Variants in ATXN2L observed in about 807,000 individuals in gnomAD.
ATXN2L encodes the protein ataxin 2 like, also known as ataxin-2-like protein.
ATXN2L carries 24 observed loss-of-function variants against 120.7 expected under a neutral mutation model. That is an observed-to-expected ratio of 0.20 (90% CI 0.14 to 0.28). The LOEUF (loss-of-function observed/expected upper bound fraction) is 0.28, where lower values mean the gene tolerates loss of function less well. ATXN2L is among the 10% of genes least tolerant of loss of function. ATXN2L has a pLI of 1.00. For synonymous variants in ATXN2L, 653 were observed against 568.1 expected (o/e 1.15, Z -2.13); for missense variants, 1,312 against 1,432.3 (o/e 0.92, Z 1.36).
chr16:28,832,407 C>T lies in ATXN2L; in HGVS notation c.1516+8C>T, dbSNP rs2054824530. On this transcript the variant is annotated splice_region_variant and intron_variant, in intron 11 of 21. Transcript: ENST00000336783. ...CCCTGGCCCCCACAGATGGTAAGAG[C>T]TAGGTGTTTGAGTGCTGTGAATGCA... 6.2e-7 allele frequency: 1 copy of T among 1,613,772 alleles called. No homozygotes were observed. Among genetic ancestry groups the T allele is most frequent in the Admixed American group, 1.7e-5 (1 of 60,004 alleles).
At position 28,823,012 on chromosome 16, in the gene ATXN2L, C is replaced by A. The variant is rs933512577; in HGVS notation, c.-248C>A. On this transcript the variant is annotated 5_prime_UTR_variant, in exon 1 of 22. Coordinates refer to ENST00000336783, the MANE Select transcript of ATXN2L (RefSeq NM_007245.4). ...TCTCCGCTCCCCGGCGACGCGCACG[C>A]GCGCCAGCCCGGCTCGCGCCCTCTC... 4.5e-6 allele frequency: 1 copy of A among 219,788 alleles called. No homozygotes were observed. The highest frequency in any genetic ancestry group is 8.9e-6 in the Non-Finnish European group (1 of 112,440). 13.6% of individuals were successfully genotyped at this position (219,788 alleles called of 1,614,324 possible). A position where few individuals can be genotyped will look rare whatever the true frequency, so the allele number is the denominator to read the frequency against.
rs1393240323 is a variant in ATXN2L, at chr16:28,836,461, C to T, written c.*196C>T. 3.7e-6 allele frequency: 6 copies of T among 1,612,162 alleles called. No homozygotes were observed. Among genetic ancestry groups the T allele is most frequent in the Admixed American group, 1.7e-5 (1 of 59,908 alleles). On this transcript the variant is annotated 3_prime_UTR_variant, in exon 22 of 22. Coordinates refer to ENST00000336783, the MANE Select transcript of ATXN2L (RefSeq NM_007245.4). ...ACTGCCTCCCCAGCTCTCAGTGACC[C>T]CGACTGTCTCCTGACTTAGCCGAGG...
At position 28,835,851 on chromosome 16, in the gene ATXN2L, G is replaced by A. The variant is rs1960397294; in HGVS notation, c.2896-82G>A. ...TTGCCAAGTCCCTGGTGCCACCCTT[G>A]CCATAGTGCTCCCTAACTCTGGCTC... On this transcript the variant is annotated intron_variant, in intron 21 of 21. Coordinates refer to ENST00000336783, the MANE Select transcript of ATXN2L (RefSeq NM_007245.4). 7 of 1,587,986 alleles carry A rather than the reference G, an allele frequency of 4.4e-6. No homozygotes were observed. The South Asian group carries it at 8.0e-5, about 18-fold the overall frequency.
intron 8 of ATXN2L, among the ~76,000 whole-genome samples, chr16:28,830,328 C>T (rs1026272700): frequency 6.6e-6 from 1 of 152,130 alleles, no homozygotes; most frequent in African/African-American, 2.4e-5. Context: ...CTTTTAAAAA[C>T]TATCCCTGGA....
chr16:28,833,594 C>G, intron 15 of ATXN2L, 86 bp downstream of exon 15: 1 of 1,355,618 alleles, frequency 7.4e-7, no homozygotes, highest in Non-Finnish European at 1.1e-6. Flanking sequence ...AGGAACACTT[C>G]ACTTCCAGGA....
rs1219851576 is a variant in ATXN2L at position 28,836,200 on chromosome 16, A to G, written c.3163A>G (p.Ile1055Val). The change falls in exon 22 of 22, where the codon ATT (isoleucine) becomes GTT (valine). Residue 1055 changes from isoleucine (I) to valine (V), a missense_variant. Coordinates refer to ENST00000336783, the MANE Select transcript of ATXN2L (RefSeq NM_007245.4). ...TCGTGAGTTCTCATTAGCTGGGGGAATTTGGCATGGAAGAGCTGAGGGGCT... is the reference window on the plus strand; with the variant it reads ...TCGTGAGTTCTCATTAGCTGGGGGAGTTTGGCATGGAAGAGCTGAGGGGCT... ...RIREFSLAGG[I>V]WHGRAEGLQV... 3.1e-6 allele frequency: 5 copies of G among 1,613,860 alleles called. No homozygotes were observed. Among genetic ancestry groups the G allele is most frequent in the Admixed American group, 1.7e-5 (1 of 59,990 alleles).
At position 28,832,497 on chromosome 16, in the gene ATXN2L, A is replaced by G. The variant is rs1404001776; in HGVS notation, c.1518A>G (p.Val506=). 1.2e-6 allele frequency: 2 copies of G among 1,614,006 alleles called. No homozygotes were observed. Among genetic ancestry groups the G allele is most frequent in the Non-Finnish European group, 1.7e-6 (2 of 1,179,968 alleles). The change falls in exon 12 of 22, where the codon GTA becomes GTG. Residue 506 remains valine (V), a splice_region_variant and synonymous_variant. Transcript: ENST00000336783. ...SPKISLAPTD[V]KELSTKEPGR... is the part of the protein sequence containing the mutation. Reference sequence around the variant, plus strand: ...AGGCATTTCTCTTTACTTGAACAGTAAAAGAACTCTCTACCAAGGAACCTG... The same window carrying G: ...AGGCATTTCTCTTTACTTGAACAGTGAAAGAACTCTCTACCAAGGAACCTG...
rs1470169797 is a variant in ATXN2L at position 28,825,357 on chromosome 16, C to T, written c.300-9C>T. ...ACAGACTTAAGTAATTTCTTGTTTT[C>T]TTTTATAGGGGACAGAGCACAGGAA... On this transcript the variant is annotated splice_polypyrimidine_tract_variant and intron_variant, in intron 1 of 21. Transcript: ENST00000336783. The T allele has an allele frequency of 6.2e-6, 10 of 1,613,640 alleles. No homozygotes were observed. Among genetic ancestry groups the T allele is most frequent in the East Asian group, 4.5e-5 (2 of 44,894 alleles).
intron 1 of ATXN2L, chr16:28,824,521 G>A: frequency 7.8e-7 from 1 of 1,288,122 alleles, no homozygotes; most frequent in Non-Finnish European, 1.0e-6. Context: ...AGGGTTACCT[G>A]GCGATTGGTG....
chr16:28,830,817 G>C (rs758089205), intron 9 of ATXN2L, 27 bp downstream of exon 9: 5 of 1,568,896 alleles, frequency 3.2e-6, no homozygotes, highest in Admixed American at 1.9e-5. Context: ...CTTTGAGGAA[G>C]AGGGCAGGGA....
intron 1 of ATXN2L, chr16:28,824,408 C>G: frequency 8.6e-6 from 11 of 1,277,770 alleles, no homozygotes; most frequent in Non-Finnish European, 1.1e-5. Flanking sequence ...GCAGACCGGG[C>G]GAGGCCTCCC....
intron 1 of ATXN2L, 178 bp downstream of exon 1, chr16:28,823,736 C>G (rs1172254623): frequency 6.3e-6 from 4 of 637,804 alleles, no homozygotes. Flanking sequence ...GGTCCCCGGG[C>G]GGCCACCGGA....
At chr16:28,834,234 C>T (rs745751489) in intron 16 of ATXN2L, 23 bp downstream of exon 16, 2 of 1,611,270 alleles carry the variant, frequency 1.2e-6, no homozygotes, top group Non-Finnish European at 1.7e-6. Flanking sequence ...ACTGGCCGGG[C>T]CCAGGGTTAG....
At chr16:28,835,482 A>G in intron 20 of ATXN2L, 67 bp from the exon 21 acceptor site, 1 of 1,610,534 alleles carries the variant, frequency 6.2e-7, no homozygotes, top group Non-Finnish European at 8.5e-7. Flanking sequence ...GTCATTTCTG[A>G]GTGGCGAGGA....
rs768967338 is a variant in ATXN2L, at chr16:28,835,635, C to T, written c.2772C>T (p.Pro924=). The T allele has an allele frequency of 6.2e-6, 10 of 1,614,064 alleles. No individual in the cohort carries two copies. The highest frequency in any genetic ancestry group is 8.5e-6 in the Non-Finnish European group (10 of 1,179,984). ...CAGGGGCCCTGACAGGCACGCCGCC[C>T]TCTCTGCCACCGGGACCTTCTGCCC... The part of the protein sequence containing the change: ...YHPGALTGTP[P]SLPPGPSAQS... The change falls in exon 21 of 22, where the codon CCC becomes CCT. Residue 924 remains proline, a synonymous_variant. Coordinates refer to ENST00000336783, the MANE Select transcript of ATXN2L (RefSeq NM_007245.4).
chr16:28,824,439 G>C (rs556225695), intron 1 of ATXN2L: 2 of 1,285,948 alleles, frequency 1.6e-6, no homozygotes, highest in Non-Finnish European at 2.0e-6. Context: ...TTTTGCGGCT[G>C]CGCTGTCCCC....
Position 28,823,348 on chromosome 16 carries a change from G to A in ATXN2L, c.89G>A (p.Gly30Asp), listed in dbSNP as rs1408406946. The A allele has an allele frequency of 2.2e-6, 3 of 1,373,672 alleles. No individual in the cohort carries two copies. Among genetic ancestry groups the A allele is most frequent in the South Asian group, 1.9e-5 (1 of 52,026 alleles). 85.1% of individuals were successfully genotyped at this position (1,373,672 alleles called of 1,614,324 possible). A position where few individuals can be genotyped will look rare whatever the true frequency, so the allele number is the denominator to read the frequency against. Residue 30 changes from glycine (G) to aspartate (D), a missense_variant, in exon 1 of 22, where the codon GGC becomes GAC. Gly to Asp is a moderately conservative substitution (Grantham distance 94). Coordinates refer to ENST00000336783, the MANE Select transcript of ATXN2L (RefSeq NM_007245.4). ...QQAVARRPPG[G>D]TSPPNGGLPG... ...GCCGTGGCCCGTCGGCCCCCCGGGG[G>A]CACCAGCCCTCCCAACGGCGGCCTC...
Position 28,836,544 on chromosome 16 carries a change from T to G in ATXN2L, c.*279T>G. 1 of 1,581,732 alleles carries G rather than the reference T, an allele frequency of 6.3e-7. No individual in the cohort carries two copies. The highest frequency in any genetic ancestry group is 8.6e-7 in the Non-Finnish European group (1 of 1,165,994). ...GGTGTGGGGGGCTGAGCTGGGCACA[T>G]GAGTGAGGGCTCTGGCTTACTGGGA... On this transcript the variant is annotated 3_prime_UTR_variant, in exon 22 of 22. Transcript: ENST00000336783.
At chr16:28,831,736 T>C (rs908984566) in intron 10 of ATXN2L, among the ~76,000 whole-genome samples, 5 of 152,048 alleles carry the variant, frequency 3.3e-5, no homozygotes, top group African/African-American at 1.2e-4. Flanking sequence ...ATAAAAAGAT[T>C]AGCTAGGCTT....
Sources: allele counts gnomAD v4.1 joint callset (sites outside exome capture counted in the v4.1 genomes callset), GRCh38; gene constraint gnomAD v4.1.1; transcripts MANE v1.5; gene names NCBI Gene and HGNC (gene_info 2026-07-23, HGNC 2026-07-21).